Variants in PHACTR1 observed in about 807,000 individuals in gnomAD.
The protein encoded by PHACTR1 is phosphatase and actin regulator 1.
PHACTR1 carries 16 observed loss-of-function variants against 69.2 expected under a neutral mutation model. The ratio of observed to expected loss-of-function variants is 0.23; its 90% CI spans 0.16 to 0.35. The LOEUF (loss-of-function observed/expected upper bound fraction) is 0.35. Among genes scored for constraint, PHACTR1 ranks in the 10% least tolerant of loss-of-function variants. The pLI is 1.00. For synonymous variants in PHACTR1, 312 were observed against 284.5 expected (o/e 1.10, Z -0.97); for missense variants, 510 against 734.7 (o/e 0.69, Z 3.54).
intron 4 of PHACTR1, among the ~76,000 whole-genome samples, chr6:12,759,994 T>C (rs1308828081): frequency 6.6e-6 from 1 of 152,240 alleles, no homozygotes; most frequent in Admixed American, 6.5e-5. Flanking sequence ...ATAGTAATTA[T>C]CTTACAGAGT....
chr6:13,172,595 C>A (rs747842223), intron 6 of PHACTR1, among the ~76,000 whole-genome samples: 10 of 152,214 alleles, frequency 6.6e-5, no homozygotes, highest in Non-Finnish European at 1.5e-4. Flanking sequence ...GCAGCTGAAA[C>A]AAGCTACCCA....
At chr6:13,247,671 G>A (rs1252782158) in intron 10 of PHACTR1, among the ~76,000 whole-genome samples, 1 of 152,090 alleles carries the variant, frequency 6.6e-6, no homozygotes, top group Non-Finnish European at 1.5e-5. Flanking sequence ...AAGATGCCAA[G>A]ACAGATAATT....
chr6:12,766,001 A>G (rs1284167587), intron 4 of PHACTR1, among the ~76,000 whole-genome samples: 1 of 152,222 alleles, frequency 6.6e-6, no homozygotes, highest in Non-Finnish European at 1.5e-5. Flanking sequence ...TGAAGCAGGT[A>G]CAGCCTGACC....
chr6:12,866,865 C>T (rs952236824), intron 4 of PHACTR1, among the ~76,000 whole-genome samples: 1 of 152,208 alleles, frequency 6.6e-6, no homozygotes, highest in Non-Finnish European at 1.5e-5. Context: ...TTTGTCACTG[C>T]TGTTGAACCG....
chr6:13,204,665 C>T (rs1765655925), intron 7 of PHACTR1, among the ~76,000 whole-genome samples: 1 of 152,224 alleles, frequency 6.6e-6, no homozygotes, highest in Admixed American at 6.5e-5. Context: ...CTGTGGGAGC[C>T]TCCTTACTGT....
At chr6:12,892,162 T>G (rs6930415) in intron 4 of PHACTR1, among the ~76,000 whole-genome samples, 93,231 of 131,922 alleles carry the variant, frequency 0.71, 29,334 homozygotes, top group East Asian at 0.97. Flanking sequence ...TGTCTTGGGA[T>G]ACCCAATGAT....
At chr6:12,828,492 T>C (rs1487314052) in intron 4 of PHACTR1, among the ~76,000 whole-genome samples, 1 of 152,162 alleles carries the variant, frequency 6.6e-6, no homozygotes, top group Non-Finnish European at 1.5e-5. Context: ...CTATTCTTTT[T>C]GTTTCTTTTA....
At chr6:12,869,226 A>T (rs554149403) in intron 4 of PHACTR1, among the ~76,000 whole-genome samples, 2 of 152,236 alleles carry the variant, frequency 1.3e-5, no homozygotes, top group African/African-American at 4.8e-5. Context: ...TGAGGGACAA[A>T]TTTAGTAGAA....
rs4053020 is a variant in PHACTR1, at chr6:13,179,701, GAGATAGAT to G, written c.497-2778_497-2771del. 0.39 allele frequency among the ~76,000 whole-genome samples: 57,417 copies of G among 148,134 alleles called. 12,405 individuals are homozygous for G. Among genetic ancestry groups the G allele is most frequent in the Non-Finnish European group, 0.49 (33,011 of 67,286 alleles). ...AGGTAGGTAGATAGATAAGTAGATA[GAGATAGAT>G]AGATAGATAGATAGATAGATAGATA... is the stretch of plus-strand genomic sequence containing the variant. On this transcript the variant is annotated intron_variant, in intron 6 of 14. Coordinates refer to ENST00000332995, the MANE Select transcript of PHACTR1 (RefSeq NM_030948.6). This position sits in a 1 kb window ranked among gnomAD's most constrained non-coding sequence, Gnocchi z 4.2.
chr6:12,871,310 A>T (rs1429756190), intron 4 of PHACTR1, among the ~76,000 whole-genome samples: 1 of 152,198 alleles, frequency 6.6e-6, no homozygotes, highest in African/African-American at 2.4e-5. Flanking sequence ...CACCCTAAAA[A>T]TGCCTCAAAA....
At chr6:12,878,210 C>G (rs1782733561) in intron 4 of PHACTR1, among the ~76,000 whole-genome samples, 1 of 152,216 alleles carries the variant, frequency 6.6e-6, no homozygotes. Flanking sequence ...GGGCTCTTAG[C>G]TGATGTTTTG....
intron 10 of PHACTR1, among the ~76,000 whole-genome samples, chr6:13,239,253 G>A (rs12528951): frequency 0.14 from 21,389 of 152,250 alleles, 2,197 homozygotes; most frequent in African/African-American, 0.27. Context: ...TGTGTTGGGA[G>A]CAAGTCAGGT....
intron 4 of PHACTR1, among the ~76,000 whole-genome samples, chr6:12,974,047 G>A (rs1402161828): frequency 6.8e-6 from 1 of 147,774 alleles, no homozygotes; most frequent in Non-Finnish European, 1.5e-5. Flanking sequence ...TCAGCCTCCC[G>A]AGTAACTGGA....
intron 4 of PHACTR1, among the ~76,000 whole-genome samples, chr6:12,955,401 T>A (rs1170460575): frequency 1.3e-5 from 2 of 151,962 alleles, no homozygotes; most frequent in African/African-American, 2.4e-5. Context: ...AACGGGGTCT[T>A]GCTATGTTGC....
intron 3 of PHACTR1, among the ~76,000 whole-genome samples, chr6:12,738,558 C>T (rs756209954): frequency 6.6e-6 from 1 of 152,192 alleles, no homozygotes. Context: ...CAGCTCTCAG[C>T]ATTCTAGTAT....
intron 4 of PHACTR1, among the ~76,000 whole-genome samples, chr6:12,992,804 G>A (rs1351763255): frequency 1.3e-5 from 2 of 152,166 alleles, no homozygotes; most frequent in Non-Finnish European, 2.9e-5. Flanking sequence ...TGAAATGCCC[G>A]GGGTGGGGCA....
At chr6:13,272,709 G>A (rs1778009909) in intron 10 of PHACTR1, 151 bp from the exon 11 acceptor site, 1 of 1,580,942 alleles carries the variant, frequency 6.3e-7, no homozygotes, top group African/African-American at 1.4e-5. Context: ...AACTGAGGAG[G>A]CGGTGGTGGC....
chr6:12,895,177 C>CTTTTTTTT (rs139510433), intron 4 of PHACTR1, among the ~76,000 whole-genome samples: 18 of 88,290 alleles, frequency 2.0e-4, no homozygotes, highest in African/African-American at 3.5e-4. Context: ...TTTCTTTTTT[C>CTTTTTTTT]TTTTTTTTTT....
intron 13 of PHACTR1, among the ~76,000 whole-genome samples, chr6:13,284,573 T>C (rs1382357316): frequency 1.9e-5 from 2 of 103,352 alleles, no homozygotes; most frequent in African/African-American, 9.9e-5. Flanking sequence ...TATATATAGA[T>C]ACACGTATAT....
Sources: gnomAD v4.1 joint callset for allele counts (sites outside exome capture counted in the v4.1 genomes callset) on GRCh38, gnomAD v4.1.1 for gene constraint, Gnocchi (gnomAD v3.1) non-coding constraint, MANE v1.5 for transcripts, NCBI Gene and HGNC (gene_info 2026-07-23, HGNC 2026-07-21) for gene names.